Variants in CEP57 observed in about 807,000 individuals in gnomAD.
The protein encoded by CEP57 is centrosomal protein 57.
A neutral mutation model predicts 68.0 loss-of-function variants in CEP57; 40 were observed. The observed-to-expected ratio is 0.59, with a 90% CI of 0.46 to 0.77. CEP57 has a LOEUF of 0.77. CEP57 is among the 30% of genes least tolerant of loss of function. The pLI is 0.00. For synonymous variants in CEP57, 219 were observed against 198.7 expected (o/e 1.10, Z -0.86); for missense variants, 606 against 580.7 (o/e 1.04, Z -0.45).
chr11:95,792,998 A>G (rs1271311537), intron 1 of CEP57, among the ~76,000 whole-genome samples: 1 of 152,210 alleles, frequency 6.6e-6, no homozygotes, highest in Admixed American at 6.5e-5. Flanking sequence ...GGTTATGAAG[A>G]TTAACAACTG....
chr11:95,824,844 A>G (rs889130448), intron 8 of CEP57, among the ~76,000 whole-genome samples: 14 of 152,218 alleles, frequency 9.2e-5, no homozygotes, highest in African/African-American at 3.4e-4. Context: ...AAGGGGAAAT[A>G]TACCCAACTG....
intron 4 of CEP57, among the ~76,000 whole-genome samples, chr11:95,814,162 C>T (rs1862197554): frequency 6.6e-6 from 1 of 152,180 alleles, no homozygotes; most frequent in South Asian, 2.1e-4. Flanking sequence ...AGGTGATTCT[C>T]ATGCCTCATC....
chr11:95,821,663 A>T (rs1405261983), intron 6 of CEP57, among the ~76,000 whole-genome samples: 1 of 152,224 alleles, frequency 6.6e-6, no homozygotes, highest in African/African-American at 2.4e-5. Flanking sequence ...ATTATAACAG[A>T]AGGTCAAGAT....
At chr11:95,792,397 A>G (rs1861128577) in intron 1 of CEP57, among the ~76,000 whole-genome samples, 1 of 152,198 alleles carries the variant, frequency 6.6e-6, no homozygotes, top group African/African-American at 2.4e-5. Context: ...AGTGAGGCTG[A>G]GGCGGGAGGA....
chr11:95,803,698 T>C (rs1028810833), intron 2 of CEP57, among the ~76,000 whole-genome samples: 3 of 152,052 alleles, frequency 2.0e-5, no homozygotes, highest in African/African-American at 4.8e-5. Context: ...CCATCTTTTT[T>C]TTTTTTCGGC....
At position 95,790,548 on chromosome 11, in the gene CEP57, G is replaced by A. The variant is rs1860972677; in HGVS notation, c.-151G>A. ...GCGGCCCTGAGGGGGTGTGTTGCAG[G>A]GGTTTCCAAGCCCAGCACCAGCACC... On this transcript the variant is annotated 5_prime_UTR_variant, in exon 1 of 11. Coordinates refer to ENST00000325542, the MANE Select transcript of CEP57 (RefSeq NM_014679.5). 2.3e-6 allele frequency: 2 copies of A among 853,842 alleles called. No homozygotes were observed. Among genetic ancestry groups the A allele is most frequent in the Non-Finnish European group, 3.8e-6 (2 of 532,474 alleles). The allele number at this position is 853,842 out of a possible 1,614,324, so 52.9% of individuals were successfully genotyped here. A position where few individuals can be genotyped will look rare whatever the true frequency, so the allele number is the denominator to read the frequency against.
intron 8 of CEP57, chr11:95,826,738 T>C (rs1055498989): frequency 6.6e-6 from 1 of 152,180 alleles, no homozygotes; most frequent in African/African-American, 2.4e-5. Flanking sequence ...TTATTGCATA[T>C]TGAAAGTGTA....
rs1170250656 is a variant in CEP57, at chr11:95,790,961, C to A, written c.45+218C>A. ...TGAAACTGGGCTGGCCGCCCCTGTT[C>A]CCCAGCCCTTATTCACCTTTTGGCG... On this transcript the variant is annotated intron_variant, in intron 1 of 10. Coordinates refer to ENST00000325542, the MANE Select transcript of CEP57 (RefSeq NM_014679.5). Among the ~76,000 whole-genome samples the A allele has an allele frequency of 2.6e-5, 4 of 152,206 alleles. No individual in the cohort carries two copies. In the South Asian group the frequency reaches 8.3e-4, roughly 32 times the overall value.
At chr11:95,825,076 T>C (rs1285118807) in intron 8 of CEP57, among the ~76,000 whole-genome samples, 1 of 152,176 alleles carries the variant, frequency 6.6e-6, no homozygotes, top group Non-Finnish European at 1.5e-5. Context: ...TACTTGTCCC[T>C]AAACACAGTG....
At chr11:95,817,743 T>G in intron 4 of CEP57, 44 bp from the exon 5 acceptor site, 1 of 1,344,176 alleles carries the variant, frequency 7.4e-7, no homozygotes, top group South Asian at 1.2e-5. Context: ...TTTTCTCTTT[T>G]TTGATTGTCA....
intron 10 of CEP57, among the ~76,000 whole-genome samples, chr11:95,829,856 C>A (rs1319950059): frequency 6.6e-6 from 1 of 152,030 alleles, no homozygotes; most frequent in Non-Finnish European, 1.5e-5. Context: ...GGCAGAGAGG[C>A]TGAGAGATCA....
intron 7 of CEP57, 183 bp from the exon 8 acceptor site, chr11:95,822,316 C>T: frequency 1.7e-6 from 1 of 605,870 alleles, no homozygotes; most frequent in Non-Finnish European, 2.9e-6. Flanking sequence ...TCCCCCCAGC[C>T]TTTCCTAGGC....
intron 2 of CEP57, among the ~76,000 whole-genome samples, chr11:95,806,232 A>G (rs1466363328): frequency 2.6e-5 from 4 of 152,222 alleles, no homozygotes; most frequent in Non-Finnish European, 5.9e-5. Flanking sequence ...ATAATTAATA[A>G]GGAAATAAAG....
At position 95,832,619 on chromosome 11, in the gene CEP57, AT is replaced by A. The variant is rs1306838589; in HGVS notation, c.*1366del. ...ATGATAAATATATGTGTCAACCACCATTTCAGCTATTAAAAACTCCTGTTAT... is the reference window on the plus strand; with the variant it reads ...ATGATAAATATATGTGTCAACCACCATTCAGCTATTAAAAACTCCTGTTAT... On this transcript the variant is annotated 3_prime_UTR_variant, in exon 11 of 11. Transcript: ENST00000325542. 1 of 152,152 alleles carries A rather than the reference AT, an allele frequency of 6.6e-6. No homozygotes were observed. The highest frequency in any genetic ancestry group is 1.5e-5 in the Non-Finnish European group (1 of 68,024). 9.4% of individuals were successfully genotyped at this position (152,152 alleles called of 1,614,324 possible). A position where few individuals can be genotyped will look rare whatever the true frequency, so the allele number is the denominator to read the frequency against.
At chr11:95,792,827 C>CTT (rs1228113679) in intron 1 of CEP57, among the ~76,000 whole-genome samples, 1 of 151,878 alleles carries the variant, frequency 6.6e-6, no homozygotes, top group Non-Finnish European at 1.5e-5. Flanking sequence ...AAACGTCCTG[C>CTT]TTAGATGTCC....
intron 10 of CEP57, 22 bp downstream of exon 10, chr11:95,829,353 CAA>C (rs1412284649): frequency 6.2e-7 from 1 of 1,601,178 alleles, no homozygotes; most frequent in Non-Finnish European, 8.5e-7. Flanking sequence ...TTCCTTCACT[CAA>C]GTTTCTAATG....
At chr11:95,829,657 C>T (rs557095594) in intron 10 of CEP57, among the ~76,000 whole-genome samples, 11 of 152,146 alleles carry the variant, frequency 7.2e-5, no homozygotes, top group Admixed American at 2.0e-4. Context: ...AATTCTGTTT[C>T]CAAAGGAATA....
intron 4 of CEP57, among the ~76,000 whole-genome samples, chr11:95,817,139 G>A (rs907901406): frequency 4.6e-5 from 7 of 151,842 alleles, no homozygotes; most frequent in East Asian, 1.9e-4. Flanking sequence ...AGGCTGAGGC[G>A]GGTGGCTTAC....
At chr11:95,796,079 C>T (rs760694409) in intron 1 of CEP57, among the ~76,000 whole-genome samples, 3 of 152,170 alleles carry the variant, frequency 2.0e-5, no homozygotes, top group Non-Finnish European at 4.4e-5. Context: ...TTTACCAGTT[C>T]CCACCTACTG....
Sources: gnomAD v4.1 joint callset for allele counts (sites outside exome capture counted in the v4.1 genomes callset) on GRCh38, gnomAD v4.1.1 for gene constraint, MANE v1.5 for transcripts, NCBI Gene and HGNC (gene_info 2026-07-23, HGNC 2026-07-21) for gene names.